C10orf95: variants seen among roughly 807,000 people sequenced by gnomAD.
C10orf95 encodes the protein uncharacterized protein C10orf95.
For synonymous variants in C10orf95, 188 were observed against 160.4 expected, an observed-to-expected ratio of 1.17 and a Z score of -1.30; for missense variants, 412 against 327.4, an observed-to-expected ratio of 1.26 and a Z score of -1.99.
In C10orf95 at chr10:102,451,481, C is replaced by A. The variant is rs1326359678; in HGVS notation, c.-150G>T. 4 of 1,396,550 alleles carry A rather than the reference C, an allele frequency of 2.9e-6. No individual in the cohort carries two copies. The South Asian group carries it at 4.5e-5, about 16-fold the overall frequency. 86.5% of individuals were successfully genotyped at this position (1,396,550 alleles called of 1,614,324 possible). A position where few individuals can be genotyped will look rare whatever the true frequency, so the allele number is the denominator to read the frequency against. On this transcript the variant is annotated 5_prime_UTR_variant, in exon 1 of 2. Transcript: ENST00000625129. ...TGCTCCGCTCCATGCCCTGCCTCAG[C>A]CACTCCTCCTGGTTACCAGGCAAAA...
Position 102,450,806 on chromosome 10 carries a change from T to G in C10orf95, c.288A>C (p.Gly96=). The change falls in exon 2 of 2, where the codon GGA becomes GGC. Residue 96 remains glycine, a synonymous_variant. Transcript: ENST00000625129. ...RRPCAAAGIS[G]LSLQAPAAVA... ...CCGCCGCGGGCGCCTGCAGCGACAG[T>G]CCCGAGATGCCGGCGGCGGCGCAGG... 1 of 1,255,336 alleles carries G rather than the reference T, an allele frequency of 8.0e-7. No individual in the cohort carries two copies. The allele number at this position is 1,255,336 out of a possible 1,614,324, so 77.8% of individuals were successfully genotyped here.
At position 102,450,705 on chromosome 10, in the gene C10orf95, GC is replaced by G; in HGVS notation, c.388del (p.Ala130ArgfsTer83). On this transcript the variant is annotated frameshift_variant, in exon 2 of 2. Coordinates refer to ENST00000625129, the MANE Select transcript of C10orf95 (RefSeq NM_001363580.1). LOFTEE classifies it low-confidence loss of function (END_TRUNC). ...CGGTAGCTGCAGAGGGGGGCCCCGC[GC>G]GCGCTCCACGCGGCCCCAGCGCAGC... is the stretch of plus-strand genomic sequence containing the variant. ...TELRWGRVER[A>X]RGPPLQLPDF... The G allele has an allele frequency of 7.9e-7, 1 of 1,259,196 alleles. No individual in the cohort carries two copies. The highest frequency in any genetic ancestry group is 2.6e-5 in the South Asian group (1 of 38,776). 78.0% of individuals were successfully genotyped at this position (1,259,196 alleles called of 1,614,324 possible).
rs2061687838 is a variant in C10orf95 at position 102,450,837 on chromosome 10, C to T, written c.257G>A (p.Arg86His). Reference sequence around the variant, plus strand: ...GATGCCGGCGGCGGCGCAGGGCCGGCGCAGGGTCGTGGCGTAGGCCGGAGG... The same window carrying T: ...GATGCCGGCGGCGGCGCAGGGCCGGTGCAGGGTCGTGGCGTAGGCCGGAGG... ...ACPPAYATTL[R>H]RPCAAAGISG... The change falls in exon 2 of 2, where the codon CGC (arginine) becomes CAC (histidine). Residue 86 changes from arginine to histidine, a missense_variant. By Grantham distance (29) the Arg-to-His change is conservative. Coordinates refer to ENST00000625129, the MANE Select transcript of C10orf95 (RefSeq NM_001363580.1). The T allele has an allele frequency of 1.6e-6, 2 of 1,245,528 alleles. No homozygotes were observed. The highest frequency in any genetic ancestry group is 4.3e-5 in the Admixed American group (1 of 23,488). 77.2% of individuals were successfully genotyped at this position (1,245,528 alleles called of 1,614,324 possible). A position where few individuals can be genotyped will look rare whatever the true frequency, so the allele number is the denominator to read the frequency against.
chr10:102,450,526 C>A lies in C10orf95; in HGVS notation c.568G>T (p.Asp190Tyr). Reference protein sequence around the residue: ...RVEWRVRRRPDSGDSSPAREA... With the variant: ...RVEWRVRRRPYSGDSSPAREA... ...CGGGCTGGGCTGCTGTCGCCGCTGT[C>A]GGGCCGGCGCCGCACGCGCCACTCC... The change falls in exon 2 of 2, where the codon GAC becomes TAC. Residue 190 changes from aspartate to tyrosine, a missense_variant. Asp to Tyr is a radical substitution (Grantham distance 160, BLOSUM62 -3). Transcript: ENST00000625129. 1.5e-6 allele frequency: 2 copies of A among 1,377,624 alleles called. No homozygotes were observed. Among genetic ancestry groups the A allele is most frequent in the Non-Finnish European group, 9.3e-7 (1 of 1,073,352 alleles). 85.3% of individuals were successfully genotyped at this position (1,377,624 alleles called of 1,614,324 possible). A position where few individuals can be genotyped will look rare whatever the true frequency, so the allele number is the denominator to read the frequency against.
chr10:102,450,440 C>G lies in C10orf95; in HGVS notation c.*12G>C, dbSNP rs1228009086. ...CGTGCACGCGGGCCCGCCCCTAGGC[C>G]TTGCGGCGGCTTCAGCTCAGGCCCT... On this transcript the variant is annotated 3_prime_UTR_variant, in exon 2 of 2. Coordinates refer to ENST00000625129, the MANE Select transcript of C10orf95 (RefSeq NM_001363580.1). 3 of 1,525,604 alleles carry G rather than the reference C, an allele frequency of 2.0e-6. No homozygotes were observed. The highest frequency in any genetic ancestry group is 2.6e-6 in the Non-Finnish European group (3 of 1,140,048). 94.5% of individuals were successfully genotyped at this position (1,525,604 alleles called of 1,614,324 possible). A position where few individuals can be genotyped will look rare whatever the true frequency, so the allele number is the denominator to read the frequency against.
In C10orf95 at chr10:102,451,522, T is replaced by C. The variant is rs779989077; in HGVS notation, c.-191A>G. The C allele has an allele frequency of 5.2e-6, 7 of 1,339,906 alleles. No individual in the cohort carries two copies. The highest frequency in any genetic ancestry group is 4.0e-5 in the Admixed American group (2 of 50,208). The allele number at this position is 1,339,906 out of a possible 1,614,324, so 83.0% of individuals were successfully genotyped here. On this transcript the variant is annotated 5_prime_UTR_variant, in exon 1 of 2. Coordinates refer to ENST00000625129, the MANE Select transcript of C10orf95 (RefSeq NM_001363580.1). ...CCAGGCAAAAGGAAACACCTTGAGC[T>C]GGCCAGGAGCTACCAGCGTCTGTCT...
chr10:102,450,751 C>T lies in C10orf95; in HGVS notation c.343G>A (p.Gly115Ser). Residue 115 changes from glycine (G) to serine (S), a missense_variant, in exon 2 of 2, where the codon GGC becomes AGC. Transcript: ENST00000625129. ...VAESWAPWPE[G>S]GSLQTELRWG... ...CGCAGCTCGGTTTGCAGGCTCCCGCCCTCCGGCCACGGCGCCCAGCTCTCG... is the reference window on the plus strand; with the variant it reads ...CGCAGCTCGGTTTGCAGGCTCCCGCTCTCCGGCCACGGCGCCCAGCTCTCG... The T allele has an allele frequency of 3.8e-6, 5 of 1,313,806 alleles. No homozygotes were observed. Among genetic ancestry groups the T allele is most frequent in the South Asian group, 1.9e-5 (1 of 53,236 alleles). The allele number at this position is 1,313,806 out of a possible 1,614,324, so 81.4% of individuals were successfully genotyped here.
chr10:102,450,999 A>C lies in C10orf95; in HGVS notation c.95T>G (p.Leu32Arg), dbSNP rs2061689293. The change falls in exon 2 of 2, where the codon CTA (leucine) becomes CGA (arginine). Residue 32 changes from leucine (L) to arginine (R), a missense_variant. Transcript: ENST00000625129. ...GAAGCTGTGGGCCTGGACTGGGGGT[A>C]GCAGCAGAGGGGCGGCCAGGTAGGT... ...TCTYLAAPLL[L>R]PPVQAHSFRS... 1.5e-6 allele frequency: 2 copies of C among 1,317,260 alleles called. No individual in the cohort carries two copies. Among genetic ancestry groups the C allele is most frequent in the East Asian group, 2.8e-5 (1 of 35,950 alleles). 81.6% of individuals were successfully genotyped at this position (1,317,260 alleles called of 1,614,324 possible).
chr10:102,450,013 G>A lies in C10orf95; in HGVS notation c.*439C>T, dbSNP rs551861917. 276 of 247,598 alleles carry A rather than the reference G, an allele frequency of 1.1e-3. 1 individual carries two copies. The highest frequency in any genetic ancestry group is 5.6e-3 in the African/African-American group (250 of 44,770). 15.3% of individuals were successfully genotyped at this position (247,598 alleles called of 1,614,324 possible). A position where few individuals can be genotyped will look rare whatever the true frequency, so the allele number is the denominator to read the frequency against. On this transcript the variant is annotated 3_prime_UTR_variant, in exon 2 of 2. Coordinates refer to ENST00000625129, the MANE Select transcript of C10orf95 (RefSeq NM_001363580.1). ...ATCACCGTCGCCCTCGGCTTGGCAG[G>A]AAGGCGGGGGTAGGGGAGCGGTGGG...
rs2061686946 is a variant in C10orf95 at position 102,450,729 on chromosome 10, A to T, written c.365T>A (p.Leu122Gln). 7.6e-7 allele frequency: 1 copy of T among 1,315,990 alleles called. No individual in the cohort carries two copies. The highest frequency in any genetic ancestry group is 1.6e-5 in the African/African-American group (1 of 64,324). The allele number at this position is 1,315,990 out of a possible 1,614,324, so 81.5% of individuals were successfully genotyped here. Residue 122 changes from leucine (L) to glutamine (Q), a missense_variant, in exon 2 of 2, where the codon CTG becomes CAG. Coordinates refer to ENST00000625129, the MANE Select transcript of C10orf95 (RefSeq NM_001363580.1). ...WPEGGSLQTE[L>Q]RWGRVERARG... The stretch of plus-strand genomic sequence containing the variant: ...CGCGCGCTCCACGCGGCCCCAGCGC[A>T]GCTCGGTTTGCAGGCTCCCGCCCTC...
rs995138191 is a variant in C10orf95, at chr10:102,450,666, C to A, written c.428G>T (p.Arg143Leu). 3.3e-6 allele frequency: 4 copies of A among 1,227,986 alleles called. No homozygotes were observed. The highest frequency in any genetic ancestry group is 3.4e-5 in the East Asian group (1 of 29,032). The allele number at this position is 1,227,986 out of a possible 1,614,324, so 76.1% of individuals were successfully genotyped here. A position where few individuals can be genotyped will look rare whatever the true frequency, so the allele number is the denominator to read the frequency against. Residue 143 changes from arginine (R) to leucine (L), a missense_variant, in exon 2 of 2, where the codon CGG becomes CTG. Physicochemically the swap from Arg to Leu is moderately radical, Grantham distance 102. Transcript: ENST00000625129. ...PPLQLPDFVR[R>L]ELRRAYGTYP... ...GGTGCCGTACGCGCGCCGCAGCTCC[C>A]GGCGCACGAAGTCCGGTAGCTGCAG...
chr10:102,450,835 G>C lies in C10orf95; in HGVS notation c.259C>G (p.Arg87Gly). 1 of 1,240,198 alleles carries C rather than the reference G, an allele frequency of 8.1e-7. No homozygotes were observed. The highest frequency in any genetic ancestry group is 1.0e-6 in the Non-Finnish European group (1 of 993,840). 76.8% of individuals were successfully genotyped at this position (1,240,198 alleles called of 1,614,324 possible). The change falls in exon 2 of 2, where the codon CGG (arginine) becomes GGG (glycine). Residue 87 changes from arginine (R) to glycine (G), a missense_variant. By Grantham distance (125) the Arg-to-Gly change is moderately radical. Coordinates refer to ENST00000625129, the MANE Select transcript of C10orf95 (RefSeq NM_001363580.1). ...GAGATGCCGGCGGCGGCGCAGGGCCGGCGCAGGGTCGTGGCGTAGGCCGGA... is the reference window on the plus strand; with the variant it reads ...GAGATGCCGGCGGCGGCGCAGGGCCCGCGCAGGGTCGTGGCGTAGGCCGGA... ...CPPAYATTLR[R>G]PCAAAGISGL... is the part of the protein sequence containing the mutation.
chr10:102,450,142 G>A lies in C10orf95; in HGVS notation c.*310C>T. The A allele has an allele frequency of 2.2e-6, 1 of 457,148 alleles. No homozygotes were observed. The highest frequency in any genetic ancestry group is 4.2e-6 in the Non-Finnish European group (1 of 239,662). 28.3% of individuals were successfully genotyped at this position (457,148 alleles called of 1,614,324 possible). A position where few individuals can be genotyped will look rare whatever the true frequency, so the allele number is the denominator to read the frequency against. On this transcript the variant is annotated 3_prime_UTR_variant, in exon 2 of 2. Coordinates refer to ENST00000625129, the MANE Select transcript of C10orf95 (RefSeq NM_001363580.1). ...GGAGAAGGTGGGGAGGAGGAAGGAG[G>A]GAGGTCCAGGCCCTTCTTCCATCCC... is the stretch of plus-strand genomic sequence containing the variant.
In C10orf95 at chr10:102,449,996, C is replaced by T; in HGVS notation, c.*456G>A. On this transcript the variant is annotated 3_prime_UTR_variant, in exon 2 of 2. Transcript: ENST00000625129. ...TTCTTACTAAGCTGGGGATCACCGT[C>T]GCCCTCGGCTTGGCAGGAAGGCGGG... The T allele has an allele frequency of 3.8e-6, 1 of 260,738 alleles. No individual in the cohort carries two copies. The highest frequency in any genetic ancestry group is 8.0e-6 in the Non-Finnish European group (1 of 124,804). 16.2% of individuals were successfully genotyped at this position (260,738 alleles called of 1,614,324 possible).
At chr10:102,451,301 G>C (rs3740417) in intron 1 of C10orf95, 85 bp downstream of exon 1, 104,791 of 1,477,722 alleles carry the variant, frequency 0.071, 4,014 homozygotes, top group Middle Eastern at 0.091. Context: ...CCCAAGGTCG[G>C]GCAGAGCCTC....
Position 102,450,382 on chromosome 10 carries a change from T to G in C10orf95, c.*70A>C, listed in dbSNP as rs1346563200. The G allele has an allele frequency of 6.8e-7, 1 of 1,475,546 alleles. No individual in the cohort carries two copies. Among genetic ancestry groups the G allele is most frequent in the East Asian group, 2.5e-5 (1 of 39,584 alleles). 91.4% of individuals were successfully genotyped at this position (1,475,546 alleles called of 1,614,324 possible). On this transcript the variant is annotated 3_prime_UTR_variant, in exon 2 of 2. Coordinates refer to ENST00000625129, the MANE Select transcript of C10orf95 (RefSeq NM_001363580.1). ...ACAGGTGAGGGCTCACTTCTGCCTG[T>G]CGGCGGCGGCACACACAGGAAAGAG... is the stretch of plus-strand genomic sequence containing the variant.
At position 102,451,110 on chromosome 10, in the gene C10orf95, G is replaced by C; in HGVS notation, c.-17C>G. Reference sequence around the variant, plus strand: ...CACATACATGGTCGGCCCCCCAGGCGGCTGCTGTTCTTACTGGGGGCTCCT... The same window carrying C: ...CACATACATGGTCGGCCCCCCAGGCCGCTGCTGTTCTTACTGGGGGCTCCT... On this transcript the variant is annotated 5_prime_UTR_variant, in exon 2 of 2. Coordinates refer to ENST00000625129, the MANE Select transcript of C10orf95 (RefSeq NM_001363580.1). 7.0e-7 allele frequency: 1 copy of C among 1,436,314 alleles called. No individual in the cohort carries two copies. The allele number at this position is 1,436,314 out of a possible 1,614,324, so 89.0% of individuals were successfully genotyped here.
Position 102,451,106 on chromosome 10 carries a change from A to G in C10orf95, c.-13T>C. On this transcript the variant is annotated 5_prime_UTR_variant, in exon 2 of 2. Coordinates refer to ENST00000625129, the MANE Select transcript of C10orf95 (RefSeq NM_001363580.1). Reference sequence around the variant, plus strand: ...TGTACACATACATGGTCGGCCCCCCAGGCGGCTGCTGTTCTTACTGGGGGC... The same window carrying G: ...TGTACACATACATGGTCGGCCCCCCGGGCGGCTGCTGTTCTTACTGGGGGC... 1 of 1,440,588 alleles carries G rather than the reference A, an allele frequency of 6.9e-7. No homozygotes were observed. The highest frequency in any genetic ancestry group is 1.4e-5 in the African/African-American group (1 of 69,582). The allele number at this position is 1,440,588 out of a possible 1,614,324, so 89.2% of individuals were successfully genotyped here. A position where few individuals can be genotyped will look rare whatever the true frequency, so the allele number is the denominator to read the frequency against.
In C10orf95 at chr10:102,450,007, TG is replaced by T. The variant is rs1485493970; in HGVS notation, c.*444del. The T allele has an allele frequency of 7.9e-6, 2 of 251,812 alleles. No individual in the cohort carries two copies. Among genetic ancestry groups the T allele is most frequent in the East Asian group, 2.1e-4 (2 of 9,352 alleles). The allele number at this position is 251,812 out of a possible 1,614,324, so 15.6% of individuals were successfully genotyped here. On this transcript the variant is annotated 3_prime_UTR_variant, in exon 2 of 2. Coordinates refer to ENST00000625129, the MANE Select transcript of C10orf95 (RefSeq NM_001363580.1). The stretch of plus-strand genomic sequence containing the variant: ...CTGGGGATCACCGTCGCCCTCGGCT[TG>T]GCAGGAAGGCGGGGGTAGGGGAGCG...
Sources: gnomAD v4.1 joint callset for allele counts on GRCh38, gnomAD v4.1.1 for gene constraint, MANE v1.5 for transcripts, NCBI Gene and HGNC (gene_info 2026-07-23, HGNC 2026-07-21) for gene names.